Variants in DCLK1 observed in about 807,000 individuals in gnomAD.
The protein encoded by DCLK1 is doublecortin like kinase 1.
In DCLK1, 16 loss-of-function variants were observed where a neutral mutation model predicts 86.2. The ratio of observed to expected loss-of-function variants is 0.19; its 90% CI spans 0.13 to 0.28. DCLK1 has a LOEUF of 0.28. DCLK1 is among the 10% of genes least tolerant of loss of function. The probability of loss-of-function intolerance (pLI) is 1.00; values close to 1 mark genes in which losing one functional copy is unlikely to be tolerated. For missense variants in DCLK1, 590 were observed against 940.2 expected (o/e 0.63, Z 4.87); for synonymous variants, 369 against 370.5 (o/e 1.00, Z 0.05).
At chr13:35,907,211 G>C (rs147229402) in intron 4 of DCLK1, among the ~76,000 whole-genome samples, 206 of 152,254 alleles carry the variant, frequency 1.4e-3, no homozygotes, top group Non-Finnish European at 2.5e-3. Flanking sequence ...CACCCAGGCT[G>C]GAATGCAGTG....
chr13:35,850,065 T>C (rs1593659458), intron 6 of DCLK1: 3 of 982,328 alleles, frequency 3.1e-6, no homozygotes, highest in East Asian at 1.1e-4. Context: ...ACAAGGCAAG[T>C]TCCTAAAGCC....
intron 15 of DCLK1, among the ~76,000 whole-genome samples, chr13:35,795,941 A>AC (rs1051960902): frequency 1.3e-5 from 2 of 151,694 alleles, no homozygotes; most frequent in East Asian, 1.9e-4. Context: ...AAAAAAAAAA[A>AC]AAACCAACAA....
At chr13:36,062,299 G>A (rs920299923) in intron 3 of DCLK1, among the ~76,000 whole-genome samples, 1 of 152,058 alleles carries the variant, frequency 6.6e-6, no homozygotes, top group African/African-American at 2.4e-5. Context: ...ATCCCCCTTT[G>A]TCCAAGCCTC....
At chr13:36,014,115 C>A (rs1816480162) in intron 3 of DCLK1, among the ~76,000 whole-genome samples, 1 of 152,196 alleles carries the variant, frequency 6.6e-6, no homozygotes, top group African/African-American at 2.4e-5. Context: ...TCTGGCACTC[C>A]CTTAGTGAGA....
chr13:35,841,670 G>A (rs2153108341), intron 6 of DCLK1, among the ~76,000 whole-genome samples: 1 of 152,220 alleles, frequency 6.6e-6, no homozygotes, highest in Middle Eastern at 3.4e-3. Context: ...AACAGATGAT[G>A]GGCAGTCAAG....
chr13:35,842,609 T>C (rs1421130623), intron 6 of DCLK1, among the ~76,000 whole-genome samples: 3 of 152,174 alleles, frequency 2.0e-5, no homozygotes, highest in Non-Finnish European at 4.4e-5. Flanking sequence ...TTCTCATGAA[T>C]AGAATATTAA....
chr13:36,092,648 G>A (rs552402728), intron 3 of DCLK1, among the ~76,000 whole-genome samples: 11 of 151,362 alleles, frequency 7.3e-5, no homozygotes, highest in East Asian at 2.0e-4. Flanking sequence ...CACCACGCCC[G>A]GCTAATTTTT....
intron 4 of DCLK1, among the ~76,000 whole-genome samples, chr13:35,872,999 A>G (rs1353173087): frequency 6.6e-6 from 1 of 152,174 alleles, no homozygotes; most frequent in East Asian, 1.9e-4. Context: ...TGTTTATATC[A>G]CAACTTATTC....
chr13:36,014,379 A>G (rs1000333393), intron 3 of DCLK1, among the ~76,000 whole-genome samples: 9 of 152,250 alleles, frequency 5.9e-5, no homozygotes, highest in African/African-American at 1.7e-4. Context: ...CTTCAGAATT[A>G]TATTTCAGAG....
At chr13:36,082,779 C>T (rs1001914567) in intron 3 of DCLK1, among the ~76,000 whole-genome samples, 3 of 152,094 alleles carry the variant, frequency 2.0e-5, no homozygotes, top group African/African-American at 4.8e-5. Context: ...CAAATCCACC[C>T]ACTGGATTAG....
intron 4 of DCLK1, among the ~76,000 whole-genome samples, chr13:35,887,719 G>C (rs887954987): frequency 1.3e-5 from 2 of 151,964 alleles, no homozygotes; most frequent in Non-Finnish European, 2.9e-5. Context: ...CATGTAGCTA[G>C]ATTGTTTTCT....
rs189177112 is a variant in DCLK1 at position 35,996,086 on chromosome 13, G to A, written c.724-48629C>T. 1.6e-4 allele frequency among the ~76,000 whole-genome samples: 24 copies of A among 152,056 alleles called. No homozygotes were observed. In the East Asian group the frequency reaches 2.3e-3, roughly 15 times the overall value. On this transcript the variant is annotated intron_variant, in intron 3 of 16. Coordinates refer to ENST00000360631, the MANE Select transcript of DCLK1 (RefSeq NM_001330071.2). ...TGGGATTACAGGTGCCCACCACCAC[G>A]CCCAGTTAATTTTTGTATTTTTAGT...
intron 3 of DCLK1, among the ~76,000 whole-genome samples, chr13:35,987,041 G>C (rs1020870877): frequency 1.3e-5 from 2 of 152,184 alleles, no homozygotes. Flanking sequence ...GTGTAGAAAA[G>C]TATTTAAATT....
At chr13:35,878,101 G>A (rs1166857407) in intron 4 of DCLK1, among the ~76,000 whole-genome samples, 1 of 152,154 alleles carries the variant, frequency 6.6e-6, no homozygotes, top group Non-Finnish European at 1.5e-5. Context: ...CACCCCCAGT[G>A]CCTGGGAGAT....
chr13:35,957,228 A>G (rs1183536586), intron 3 of DCLK1, among the ~76,000 whole-genome samples: 1 of 152,192 alleles, frequency 6.6e-6, no homozygotes, highest in Non-Finnish European at 1.5e-5. Flanking sequence ...ATAAAGTTAC[A>G]AAAGTCAGGC....
At chr13:35,939,440 C>T (rs984368915) in intron 4 of DCLK1, among the ~76,000 whole-genome samples, 1 of 152,234 alleles carries the variant, frequency 6.6e-6, no homozygotes, top group Non-Finnish European at 1.5e-5. Context: ...GACAAAGTCT[C>T]GCTCTTTTGC....
At chr13:35,839,980 T>C (rs944682112) in intron 6 of DCLK1, among the ~76,000 whole-genome samples, 2 of 152,232 alleles carry the variant, frequency 1.3e-5, no homozygotes, top group South Asian at 4.1e-4. Context: ...CAATGCTATT[T>C]CTAAATAGTG....
intron 4 of DCLK1, among the ~76,000 whole-genome samples, chr13:35,932,606 G>A (rs1876518680): frequency 6.6e-6 from 1 of 152,172 alleles, no homozygotes; most frequent in African/African-American, 2.4e-5. Flanking sequence ...GGCAAAGAGA[G>A]AGTGAGGAAG....
At chr13:35,820,824 G>A (rs895856776) in intron 11 of DCLK1, among the ~76,000 whole-genome samples, 2 of 152,236 alleles carry the variant, frequency 1.3e-5, no homozygotes, top group Non-Finnish European at 1.5e-5. Flanking sequence ...GTGCAATTAA[G>A]TCAGGGCTCA....
Sources: gnomAD v4.1 joint callset for allele counts (sites outside exome capture counted in the v4.1 genomes callset) on GRCh38, gnomAD v4.1.1 for gene constraint, MANE v1.5 for transcripts, NCBI Gene and HGNC (gene_info 2026-07-23, HGNC 2026-07-21) for gene names.